The following PCCA variants were observed in gnomAD, a reference collection of about 807,000 sequenced individuals.
PCCA encodes the protein propionyl-CoA carboxylase subunit alpha, also known as propionyl-CoA carboxylase alpha chain, mitochondrial.
In PCCA, 74 loss-of-function variants were observed where a neutral mutation model predicts 101.3. That is an observed-to-expected ratio of 0.73 (90% CI 0.61 to 0.89). The LOEUF (loss-of-function observed/expected upper bound fraction) is 0.89, where lower values mean the gene tolerates loss of function less well. Ranked by LOEUF, PCCA falls within the 40% of genes least tolerant of loss-of-function variation. The pLI is 0.00. For synonymous variants in PCCA, 294 were observed against 313.6 expected, an observed-to-expected ratio of 0.94 and a Z score of 0.66; for missense variants, 891 against 907.0, an observed-to-expected ratio of 0.98 and a Z score of 0.23.
At chr13:100,480,474 T>C (rs1023017971) in intron 21 of PCCA, 1 of 152,200 alleles carries the variant, frequency 6.6e-6, no homozygotes, top group Non-Finnish European at 1.5e-5. Context: ...GACAGTGGTA[T>C]AGGGGCTGTC....
chr13:100,435,644 G>A (rs1374079864), intron 20 of PCCA, among the ~76,000 whole-genome samples: 1 of 152,204 alleles, frequency 6.6e-6, no homozygotes. Context: ...GGTCATGATT[G>A]CAAGTTATCC....
intron 4 of PCCA, chr13:100,151,094 A>G (rs2053257864): frequency 2.0e-6 from 3 of 1,465,936 alleles, no homozygotes; most frequent in Non-Finnish European, 2.8e-6. Flanking sequence ...GTATGCACCC[A>G]TCTTGGCTTA....
chr13:100,207,815 C>T (rs114567619), intron 6 of PCCA, among the ~76,000 whole-genome samples: 3,330 of 151,884 alleles, frequency 0.022, 133 homozygotes, highest in African/African-American at 0.076. Flanking sequence ...ATTAAGAGGT[C>T]GAGATCATCC....
chr13:100,408,740 T>A (rs1469828780), intron 19 of PCCA, among the ~76,000 whole-genome samples: 1 of 152,168 alleles, frequency 6.6e-6, no homozygotes, highest in Admixed American at 6.5e-5. Flanking sequence ...GATGGAAGCC[T>A]GATTTCACAA....
At chr13:100,271,019 C>T (rs189731970) in intron 11 of PCCA, among the ~76,000 whole-genome samples, 9 of 150,766 alleles carry the variant, frequency 6.0e-5, no homozygotes, top group African/African-American at 1.5e-4. Flanking sequence ...CCCCACCCCC[C>T]GAAAAATAAA....
At chr13:100,221,229 A>G (rs1275074012) in intron 7 of PCCA, among the ~76,000 whole-genome samples, 5 of 152,218 alleles carry the variant, frequency 3.3e-5, no homozygotes, top group African/African-American at 1.2e-4. Context: ...ATGTGATAAG[A>G]AATTCAGTGG....
chr13:100,258,833 A>G (rs2062250688), intron 9 of PCCA, among the ~76,000 whole-genome samples: 1 of 152,204 alleles, frequency 6.6e-6, no homozygotes, highest in Admixed American at 6.5e-5. Context: ...TAAAATTAAT[A>G]AAAATACATG....
chr13:100,215,465 A>G (rs866055445), intron 7 of PCCA, among the ~76,000 whole-genome samples: 2 of 152,154 alleles, frequency 1.3e-5, no homozygotes, highest in African/African-American at 2.4e-5. Context: ...AGGTGGGGCT[A>G]TATTCACAAT....
chr13:100,347,096 C>T (rs897997301), intron 18 of PCCA, among the ~76,000 whole-genome samples: 2 of 152,124 alleles, frequency 1.3e-5, no homozygotes, highest in Non-Finnish European at 2.9e-5. Context: ...AGGATGGTCA[C>T]GATCTCCTGA....
At position 100,189,133 on chromosome 13, in the gene PCCA, C is replaced by T. The variant is rs138881094; in HGVS notation, c.469-20199C>T. Among the ~76,000 whole-genome samples the T allele has an allele frequency of 2.9e-4, 44 of 152,026 alleles. No homozygotes were observed. In the East Asian group the frequency reaches 6.4e-3, roughly 22 times the overall value. On this transcript the variant is annotated intron_variant, in intron 6 of 23. Coordinates refer to ENST00000376285, the MANE Select transcript of PCCA (RefSeq NM_000282.4). ...ACTCCCACTTATGAGTGAAAACATG[C>T]GGTGTTTGGTTTTCTGATCTTGTGA...
intron 21 of PCCA, chr13:100,490,849 G>A (rs1249505599): frequency 6.6e-6 from 1 of 152,316 alleles, no homozygotes; most frequent in Non-Finnish European, 1.5e-5. Context: ...GTGAAGAAGT[G>A]AGGCACTGAG....
intron 6 of PCCA, among the ~76,000 whole-genome samples, chr13:100,171,654 T>A (rs1162218230): frequency 6.6e-6 from 1 of 152,222 alleles, no homozygotes; most frequent in Non-Finnish European, 1.5e-5. Flanking sequence ...TTCGGGAGGC[T>A]GAAGCCAGAG....
chr13:100,224,352 C>T (rs927367713), intron 7 of PCCA, among the ~76,000 whole-genome samples: 3 of 152,246 alleles, frequency 2.0e-5, no homozygotes, highest in Non-Finnish European at 2.9e-5. Flanking sequence ...GAGTGCGGGG[C>T]CTGCCAAGCC....
intron 8 of PCCA, among the ~76,000 whole-genome samples, chr13:100,241,429 A>G (rs2061129129): frequency 6.6e-6 from 1 of 151,858 alleles, no homozygotes; most frequent in African/African-American, 2.4e-5. Context: ...ATCCCTTTTT[A>G]CGGTTGGATA....
At chr13:100,154,928 G>A (rs766761982) in intron 4 of PCCA, 51 bp from the exon 5 acceptor site, 8 of 1,161,666 alleles carry the variant, frequency 6.9e-6, no homozygotes, top group Non-Finnish European at 1.0e-5. Context: ...GCAGATGATG[G>A]TAATTCTTTT....
At chr13:100,282,841 T>C (rs1403088620) in intron 12 of PCCA, among the ~76,000 whole-genome samples, 1 of 152,094 alleles carries the variant, frequency 6.6e-6, no homozygotes, top group African/African-American at 2.4e-5. Context: ...ACCTCTCAGC[T>C]CACCCCCATA....
At chr13:100,421,066 G>A (rs1041181879) in intron 19 of PCCA, among the ~76,000 whole-genome samples, 2 of 152,142 alleles carry the variant, frequency 1.3e-5, no homozygotes, top group African/African-American at 4.8e-5. Context: ...AATTAGCCGG[G>A]CCTGGTGGCA....
chr13:100,318,655 A>G (rs1200984594), intron 16 of PCCA, among the ~76,000 whole-genome samples: 2 of 152,102 alleles, frequency 1.3e-5, no homozygotes, highest in Non-Finnish European at 2.9e-5. Flanking sequence ...TACAAAGGAC[A>G]TGAACTCATC....
intron 21 of PCCA, among the ~76,000 whole-genome samples, chr13:100,474,781 G>C (rs1002802538): frequency 6.6e-6 from 1 of 152,016 alleles, no homozygotes. Context: ...GTGCCTGGCC[G>C]TATATGTCCA....
Sources: gnomAD v4.1 joint callset for allele counts (sites outside exome capture counted in the v4.1 genomes callset) on GRCh38, gnomAD v4.1.1 for gene constraint, MANE v1.5 for transcripts, NCBI Gene and HGNC (gene_info 2026-07-23, HGNC 2026-07-21) for gene names.